EPN2: variants seen among roughly 807,000 people sequenced by gnomAD.
EPN2 encodes the protein epsin-2.
In EPN2, 34 loss-of-function variants were observed where a neutral mutation model predicts 61.7. That is an observed-to-expected ratio of 0.55 (90% CI 0.42 to 0.73). The LOEUF (loss-of-function observed/expected upper bound fraction) is 0.73, where lower values mean the gene tolerates loss of function less well. Ranked by LOEUF, EPN2 falls within the 30% of genes least tolerant of loss-of-function variation. The probability of loss-of-function intolerance (pLI) is 0.00; values close to 1 mark genes in which losing one functional copy is unlikely to be tolerated. For synonymous variants in EPN2, 349 were observed against 353.6 expected (o/e 0.99, Z 0.15); for missense variants, 714 against 839.2 (o/e 0.85, Z 1.84).
intron 1 of EPN2, among the ~76,000 whole-genome samples, chr17:19,280,393 A>G (rs1259166216): frequency 6.6e-6 from 1 of 152,246 alleles, no homozygotes; most frequent in Non-Finnish European, 1.5e-5. Flanking sequence ...CTTTGCCAGC[A>G]GTGAATGTTG....
At chr17:19,318,751 GC>G (rs1014413717) in intron 7 of EPN2, among the ~76,000 whole-genome samples, 23 of 152,008 alleles carry the variant, frequency 1.5e-4, no homozygotes, top group Admixed American at 6.6e-4. Context: ...GTTTCAGGTG[GC>G]ATTCCACTGG....
chr17:19,313,380 G>T lies in EPN2; in HGVS notation c.1147+101G>T, dbSNP rs990803167. 5 of 1,156,544 alleles carry T rather than the reference G, an allele frequency of 4.3e-6. No individual in the cohort carries two copies. The African/African-American group carries it at 6.5e-5, about 15-fold the overall frequency. 71.6% of individuals were successfully genotyped at this position (1,156,544 alleles called of 1,614,324 possible). On this transcript the variant is annotated intron_variant, in intron 7 of 10. Coordinates refer to ENST00000314728, the MANE Select transcript of EPN2 (RefSeq NM_014964.5). ...CTCACCCACTTGGGTCTGGTCGATT[G>T]TGGTGGGTGTCCAGGCTCCTCCAGC... is the stretch of plus-strand genomic sequence containing the variant.
chr17:19,278,088 A>T (rs2045326140), intron 1 of EPN2, among the ~76,000 whole-genome samples: 1 of 143,020 alleles, frequency 7.0e-6, no homozygotes, highest in South Asian at 2.2e-4. Context: ...AAAAAAAAAG[A>T]AAATGAAAAG....
intron 4 of EPN2, among the ~76,000 whole-genome samples, chr17:19,290,731 A>G (rs1189830801): frequency 1.3e-5 from 2 of 148,576 alleles, no homozygotes; most frequent in African/African-American, 4.9e-5. Flanking sequence ...AAAAAGAAAA[A>G]GGAAGGCAGG....
chr17:19,299,018 G>A (rs1014788372), intron 4 of EPN2, among the ~76,000 whole-genome samples: 4 of 152,150 alleles, frequency 2.6e-5, no homozygotes, highest in African/African-American at 9.7e-5. Context: ...TGGGAAAAGT[G>A]TATGAACATT....
chr17:19,317,506 A>AC (rs919675258), intron 7 of EPN2, among the ~76,000 whole-genome samples: 13 of 149,168 alleles, frequency 8.7e-5, no homozygotes, highest in South Asian at 2.2e-4. Flanking sequence ...GTGACGCACC[A>AC]CCCCCCCGCG....
chr17:19,261,955 A>T (rs1266651220), intron 1 of EPN2, among the ~76,000 whole-genome samples: 4 of 152,246 alleles, frequency 2.6e-5, no homozygotes, highest in Non-Finnish European at 5.9e-5. Context: ...TGGGAGGCCA[A>T]GGTGGGTGTA....
chr17:19,263,130 G>A (rs937436572), intron 1 of EPN2, among the ~76,000 whole-genome samples: 2 of 152,174 alleles, frequency 1.3e-5, no homozygotes, highest in African/African-American at 2.4e-5. Flanking sequence ...TGTCACCACC[G>A]CAGGGAATGT....
intron 1 of EPN2, among the ~76,000 whole-genome samples, chr17:19,277,957 C>T (rs1156717510): frequency 1.3e-5 from 2 of 151,620 alleles, no homozygotes; most frequent in Non-Finnish European, 2.9e-5. Flanking sequence ...CCTGTAGTCC[C>T]AGCTACTCAG....
rs183255915 is a variant in EPN2 at position 19,285,952 on chromosome 17, T to G, written c.766+162T>G. Reference sequence around the variant, plus strand: ...CCCTTTCTTCCTCTCTCCTGGGAGCTTGTGGCCTGGTCGTGCTCCGCTTCC... The same window carrying G: ...CCCTTTCTTCCTCTCTCCTGGGAGCGTGTGGCCTGGTCGTGCTCCGCTTCC... On this transcript the variant is annotated intron_variant, in intron 4 of 10. Transcript: ENST00000314728. The surrounding 1 kb of genome is among the most constrained non-coding windows in gnomAD (Gnocchi z 4.5). Among the ~76,000 whole-genome samples the G allele has an allele frequency of 6.6e-6, 1 of 152,342 alleles. No homozygotes were observed. Among genetic ancestry groups the G allele is most frequent in the Non-Finnish European group, 1.5e-5 (1 of 68,022 alleles).
chr17:19,323,277 C>A (rs1906727686), intron 7 of EPN2, among the ~76,000 whole-genome samples: 1 of 152,044 alleles, frequency 6.6e-6, no homozygotes, highest in Non-Finnish European at 1.5e-5. Flanking sequence ...CCGGAGAGGC[C>A]CAGAAGATGC....
At chr17:19,278,941 G>A (rs1398899516) in intron 1 of EPN2, among the ~76,000 whole-genome samples, 1 of 152,176 alleles carries the variant, frequency 6.6e-6, no homozygotes, top group Non-Finnish European at 1.5e-5. Context: ...CCGGCCCCTA[G>A]TGAGGATTTC....
At chr17:19,258,927 A>G (rs1338343376) in intron 1 of EPN2, among the ~76,000 whole-genome samples, 1 of 152,238 alleles carries the variant, frequency 6.6e-6, no homozygotes. Flanking sequence ...GCCCATACAC[A>G]TTGGAAGTCT....
At chr17:19,307,668 A>G (rs1177708111) in intron 4 of EPN2, among the ~76,000 whole-genome samples, 1 of 152,086 alleles carries the variant, frequency 6.6e-6, no homozygotes, top group Non-Finnish European at 1.5e-5. Flanking sequence ...TTATTGCTAT[A>G]TGTTTTGTGT....
chr17:19,237,581 A>AGGACCCTCCCCCTCTCCAGGGCGC (rs1567837927), intron 1 of EPN2, 50 bp downstream of exon 1: 6 of 152,304 alleles, frequency 3.9e-5, no homozygotes, highest in Non-Finnish European at 7.3e-5. Context: ...CCCCGGGGCG[A>AGGACCCTCCCCCTCTCCAGGGCGC]GGACCCTCCC....
chr17:19,315,561 A>T (rs530291771), intron 7 of EPN2, among the ~76,000 whole-genome samples: 2 of 151,938 alleles, frequency 1.3e-5, no homozygotes, highest in Non-Finnish European at 2.9e-5. Context: ...ATCTTAGCTC[A>T]TTGCAACCTT....
At chr17:19,260,116 C>G (rs1359949023) in intron 1 of EPN2, among the ~76,000 whole-genome samples, 1 of 152,236 alleles carries the variant, frequency 6.6e-6, no homozygotes, top group Non-Finnish European at 1.5e-5. Context: ...AGCACCAGCC[C>G]AGTGCCTGGC....
intron 1 of EPN2, among the ~76,000 whole-genome samples, chr17:19,275,024 C>T (rs939722688): frequency 1.3e-5 from 2 of 152,166 alleles, no homozygotes; most frequent in East Asian, 1.9e-4. Context: ...TTGTGGTTCC[C>T]GTCATGAGTC....
chr17:19,259,722 G>C (rs1481966218), intron 1 of EPN2, among the ~76,000 whole-genome samples: 1 of 152,190 alleles, frequency 6.6e-6, no homozygotes, highest in East Asian at 1.9e-4. Flanking sequence ...GGCTTGCCTA[G>C]TTCCAGGGAA....
Sources: gnomAD v4.1 joint callset for allele counts (sites outside exome capture counted in the v4.1 genomes callset) on GRCh38, gnomAD v4.1.1 for gene constraint, Gnocchi (gnomAD v3.1) non-coding constraint, MANE v1.5 for transcripts, NCBI Gene and HGNC (gene_info 2026-07-23, HGNC 2026-07-21) for gene names.